Variants in FMNL2 observed in about 807,000 individuals in gnomAD.
FMNL2 encodes formin like 2.
In FMNL2, 51 loss-of-function variants were observed where a neutral mutation model predicts 130.2. That is an observed-to-expected ratio of 0.39 (90% CI 0.31 to 0.49). The LOEUF (loss-of-function observed/expected upper bound fraction) is 0.49. Among genes scored for constraint, FMNL2 ranks in the 20% least tolerant of loss-of-function variants. FMNL2 has a pLI of 0.85. For synonymous variants in FMNL2, 465 were observed against 467.1 expected, an observed-to-expected ratio of 1.00 and a Z score of 0.06; for missense variants, 977 against 1,316.2, an observed-to-expected ratio of 0.74 and a Z score of 3.99.
intron 1 of FMNL2, among the ~76,000 whole-genome samples, chr2:152,485,812 C>T (rs1044803145): frequency 2.0e-5 from 3 of 152,128 alleles, no homozygotes; most frequent in African/African-American, 7.2e-5. Context: ...AGACTGCATC[C>T]CCTCTCATTC....
At chr2:152,375,877 C>CTCTCTCTCTCTCTCTCTA (rs796954245) in intron 1 of FMNL2, among the ~76,000 whole-genome samples, 1 of 112,482 alleles carries the variant, frequency 8.9e-6, no homozygotes, top group African/African-American at 3.5e-5. Flanking sequence ...CTCTCTCTCT[C>CTCTCTCTCTCTCTCTCTA]TATATATATA....
chr2:152,615,356 G>A (rs1174463840), intron 12 of FMNL2, among the ~76,000 whole-genome samples: 2 of 152,078 alleles, frequency 1.3e-5, no homozygotes, highest in African/African-American at 4.8e-5. Context: ...GAGGCGAAGA[G>A]GTATCTTCTT....
At chr2:152,579,811 G>A (rs1031831081) in intron 8 of FMNL2, among the ~76,000 whole-genome samples, 25 of 152,192 alleles carry the variant, frequency 1.6e-4, no homozygotes, top group African/African-American at 5.5e-4. Context: ...CACGTTAGTC[G>A]TAAAAGCCAG....
chr2:152,431,365 C>A (rs1196869492), intron 1 of FMNL2, among the ~76,000 whole-genome samples: 1 of 152,024 alleles, frequency 6.6e-6, no homozygotes, highest in Non-Finnish European at 1.5e-5. Context: ...TCTTAGTAAC[C>A]AAAAGTTTAA....
At chr2:152,643,566 T>C in intron 25 of FMNL2, 1 of 1,533,918 alleles carries the variant, frequency 6.5e-7, no homozygotes. Context: ...TTTTTTGATG[T>C]CTTATGTCCC....
chr2:152,602,233 T>C (rs753917641), intron 9 of FMNL2, among the ~76,000 whole-genome samples: 13 of 152,172 alleles, frequency 8.5e-5, no homozygotes, highest in Non-Finnish European at 1.6e-4. Flanking sequence ...CAGACTGAAG[T>C]CTCTGGTCCA....
intron 1 of FMNL2, among the ~76,000 whole-genome samples, chr2:152,393,887 G>A (rs987505714): frequency 2.0e-5 from 3 of 152,166 alleles, no homozygotes; most frequent in African/African-American, 7.2e-5. Flanking sequence ...CCATATGGAC[G>A]CTGAGATGTG....
intron 1 of FMNL2, among the ~76,000 whole-genome samples, chr2:152,446,533 A>G (rs566944293): frequency 6.6e-6 from 1 of 152,344 alleles, no homozygotes; most frequent in Admixed American, 6.5e-5. Flanking sequence ...GTTAAAAAAA[A>G]AGCATGCTCT....
At chr2:152,495,112 A>G (rs1323480881) in intron 1 of FMNL2, among the ~76,000 whole-genome samples, 1 of 152,152 alleles carries the variant, frequency 6.6e-6, no homozygotes, top group African/African-American at 2.4e-5. Context: ...TACTACTCCT[A>G]TTATTCTATA....
chr2:152,376,397 G>A (rs1684178254), intron 1 of FMNL2, among the ~76,000 whole-genome samples: 1 of 152,186 alleles, frequency 6.6e-6, no homozygotes, highest in African/African-American at 2.4e-5. Context: ...TTCTAGGACT[G>A]GGATCCTTCG....
intron 1 of FMNL2, among the ~76,000 whole-genome samples, chr2:152,382,503 C>A (rs772835585): frequency 1.2e-4 from 18 of 152,096 alleles, no homozygotes; most frequent in Non-Finnish European, 2.4e-4. Flanking sequence ...GAGAGAGGGT[C>A]CACTTGCCTC....
intron 1 of FMNL2, among the ~76,000 whole-genome samples, chr2:152,391,629 T>C (rs1255692674): frequency 6.6e-6 from 1 of 151,848 alleles, no homozygotes; most frequent in Non-Finnish European, 1.5e-5. Flanking sequence ...CAGAGTTAGT[T>C]TTTGTTCTGA....
At chr2:152,549,449 T>C (rs1001681540) in intron 4 of FMNL2, among the ~76,000 whole-genome samples, 2 of 152,204 alleles carry the variant, frequency 1.3e-5, no homozygotes, top group East Asian at 3.8e-4. Context: ...TTACTGTAGT[T>C]CTCCAAGTTG....
At chr2:152,621,267 C>T (rs528192073) in intron 15 of FMNL2, among the ~76,000 whole-genome samples, 1 of 152,326 alleles carries the variant, frequency 6.6e-6, no homozygotes, top group South Asian at 2.1e-4. Flanking sequence ...CACCCACTTC[C>T]ACGCACCTGA....
intron 1 of FMNL2, among the ~76,000 whole-genome samples, chr2:152,502,234 C>T (rs1691882330): frequency 6.6e-6 from 1 of 152,184 alleles, no homozygotes; most frequent in Non-Finnish European, 1.5e-5. Flanking sequence ...CTAGGTACAA[C>T]CCTGTTGGAA....
chr2:152,561,047 T>C lies in FMNL2; in HGVS notation c.596+12T>C, dbSNP rs369912594. ...CATTCTGCACTGCGGTGAGTTCGTT[T>C]AATCAGGAGGCAACTTTGGCAGGAT... On this transcript the variant is annotated intron_variant, in intron 6 of 25. Transcript: ENST00000288670. 47 of 1,580,138 alleles carry C rather than the reference T, an allele frequency of 3.0e-5. No homozygotes were observed. Among genetic ancestry groups the C allele is most frequent in the East Asian group, 2.3e-4 (10 of 43,306 alleles).
Position 152,563,973 on chromosome 2 carries a change from A to G in FMNL2, c.596+2938A>G, listed in dbSNP as rs976620787. Among the ~76,000 whole-genome samples the G allele has an allele frequency of 4.6e-5, 7 of 152,198 alleles. No homozygotes were observed. In the East Asian group the frequency reaches 1.3e-3, roughly 29 times the overall value. ...CGACATCCAAGCGAGTTCACAGTGC[A>G]TGCTGGCAGGGCAATCCGACTGCTC... On this transcript the variant is annotated intron_variant, in intron 6 of 25. Transcript: ENST00000288670.
At chr2:152,531,749 T>G (rs554292642) in intron 2 of FMNL2, among the ~76,000 whole-genome samples, 1 of 152,194 alleles carries the variant, frequency 6.6e-6, no homozygotes, top group Non-Finnish European at 1.5e-5. Context: ...CGTGAACTAC[T>G]GTACCCAGCC....
intron 1 of FMNL2, among the ~76,000 whole-genome samples, chr2:152,393,921 C>A (rs1163451043): frequency 2.6e-5 from 4 of 152,162 alleles, no homozygotes; most frequent in South Asian, 2.1e-4. Flanking sequence ...TTTTTATATG[C>A]CCTGGAGTAT....
Sources: gnomAD v4.1 joint callset for allele counts (sites outside exome capture counted in the v4.1 genomes callset) on GRCh38, gnomAD v4.1.1 for gene constraint, MANE v1.5 for transcripts, NCBI Gene and HGNC (gene_info 2026-07-23, HGNC 2026-07-21) for gene names.